The following LPAR1 variants were observed in gnomAD, a reference collection of about 807,000 sequenced individuals.
LPAR1 encodes lysophosphatidic acid receptor 1.
Under a neutral mutation model 23.8 loss-of-function variants are expected in LPAR1, and 5 were observed. The observed-to-expected ratio is 0.21, with a 90% CI of 0.11 to 0.44. The LOEUF is 0.44. LPAR1 is among the 20% of genes least tolerant of loss of function. LPAR1 has a pLI of 0.99. For synonymous variants in LPAR1, 160 were observed against 164.7 expected (o/e 0.97, Z 0.22); for missense variants, 311 against 482.8 (o/e 0.64, Z 3.33).
chr9:111,038,571 C>G (rs2097944909), upstream of LPAR1: 2 of 450,210 alleles, frequency 4.4e-6, no homozygotes, highest in Admixed American at 4.7e-5. This position sits in a 1 kb window ranked among gnomAD's most constrained non-coding sequence, Gnocchi z 4.4. Context: ...TCCTTCTTTT[C>G]TGCTTGTTCC....
chr9:110,918,537 A>G (rs2093378952), intron 5 of LPAR1, among the ~76,000 whole-genome samples: 1 of 152,118 alleles, frequency 6.6e-6, no homozygotes, highest in African/African-American at 2.4e-5. Flanking sequence ...GTGTTCAGGA[A>G]GTAAGCGGTC....
rs73655702 is a variant in LPAR1, at chr9:110,938,227, A to G, written c.793+3194T>C. ...AAGACAAATACTAAAAACCAAATGT[A>G]CACAAACTAAAGTAAAATAACCAGA... On this transcript the variant is annotated intron_variant, in intron 5 of 5. Coordinates refer to ENST00000683809, the MANE Select transcript of LPAR1 (RefSeq NM_001351411.2). Among the ~76,000 whole-genome samples, 975 of 152,350 alleles carry G rather than the reference A, an allele frequency of 6.4e-3. 13 individuals are homozygous for G. Among genetic ancestry groups the G allele is most frequent in the African/African-American group, 0.022 (906 of 41,584 alleles).
At chr9:110,923,912 A>G (rs1194726155) in intron 5 of LPAR1, among the ~76,000 whole-genome samples, 1 of 152,248 alleles carries the variant, frequency 6.6e-6, no homozygotes, top group Non-Finnish European at 1.5e-5. Context: ...CATGGAACAA[A>G]GTACTTCAAA....
At chr9:110,992,229 A>T (rs1422685941) in intron 2 of LPAR1, among the ~76,000 whole-genome samples, 1 of 152,208 alleles carries the variant, frequency 6.6e-6, no homozygotes, top group African/African-American at 2.4e-5. Flanking sequence ...CAGTTTACCA[A>T]AGATAATATA....
At chr9:111,027,224 C>T (rs2097708135) in intron 2 of LPAR1, among the ~76,000 whole-genome samples, 1 of 152,078 alleles carries the variant, frequency 6.6e-6, no homozygotes, top group East Asian at 1.9e-4. Flanking sequence ...CCCAAATCAA[C>T]AGGCCAGGTG....
chr9:110,978,661 C>A (rs2096608291), intron 2 of LPAR1, among the ~76,000 whole-genome samples: 1 of 152,150 alleles, frequency 6.6e-6, no homozygotes, highest in South Asian at 2.1e-4. Context: ...AGCTTGTCTT[C>A]TTTCTTATTA....
intron 2 of LPAR1, among the ~76,000 whole-genome samples, chr9:111,019,375 T>C (rs2097517829): frequency 6.6e-6 from 1 of 152,174 alleles, no homozygotes; most frequent in Non-Finnish European, 1.5e-5. Context: ...TTAAATAAGT[T>C]GAACAGTTTT....
At chr9:111,010,551 A>G (rs540187815) in intron 2 of LPAR1, among the ~76,000 whole-genome samples, 170 of 152,288 alleles carry the variant, frequency 1.1e-3, no homozygotes, top group Non-Finnish European at 4.3e-4. Context: ...ACCGCCTTTC[A>G]AGATAAGGGA....
At chr9:110,958,077 T>A (rs765170610) in intron 4 of LPAR1, among the ~76,000 whole-genome samples, 60 of 152,150 alleles carry the variant, frequency 3.9e-4, no homozygotes, top group Middle Eastern at 3.4e-3. Context: ...TGAAAGAAAC[T>A]GAAGAGGACA....
intron 5 of LPAR1, among the ~76,000 whole-genome samples, chr9:110,900,195 T>C (rs886723001): frequency 2.6e-5 from 4 of 152,216 alleles, no homozygotes; most frequent in African/African-American, 9.6e-5. Flanking sequence ...TTAGCAGGGC[T>C]GTAATTCTTT....
chr9:110,925,673 C>G (rs1432529771), intron 5 of LPAR1, among the ~76,000 whole-genome samples: 2 of 152,216 alleles, frequency 1.3e-5, no homozygotes, highest in African/African-American at 4.8e-5. Flanking sequence ...CAGCTCCAAC[C>G]ACTAATCACA....
Position 110,944,233 on chromosome 9 carries a change from C to T in LPAR1, c.46-2065G>A, listed in dbSNP as rs527942156. ...CCAAGGCTGCTGGTCCAGGGAATCA[C>T]TGTATCATAATTGCTTAATTATCTG... On this transcript the variant is annotated intron_variant, in intron 4 of 5. Coordinates refer to ENST00000683809, the MANE Select transcript of LPAR1 (RefSeq NM_001351411.2). Among the ~76,000 whole-genome samples the T allele has an allele frequency of 2.6e-4, 39 of 152,280 alleles. No homozygotes were observed. The South Asian group carries it at 8.1e-3, about 32-fold the overall frequency.
chr9:111,022,821 C>A (rs908452346), intron 2 of LPAR1, among the ~76,000 whole-genome samples: 1 of 151,886 alleles, frequency 6.6e-6, no homozygotes, highest in Non-Finnish European at 1.5e-5. Flanking sequence ...GAGGCCAAGG[C>A]GGGCGGATTA....
At chr9:110,926,005 CT>C (rs2093998747) in intron 5 of LPAR1, among the ~76,000 whole-genome samples, 1 of 152,184 alleles carries the variant, frequency 6.6e-6, no homozygotes, top group Non-Finnish European at 1.5e-5. Context: ...ACTGCAAGCT[CT>C]GCCTCCCGGG....
chr9:110,930,775 C>T (rs952485315), intron 5 of LPAR1, among the ~76,000 whole-genome samples: 3 of 151,604 alleles, frequency 2.0e-5, no homozygotes, highest in Admixed American at 1.3e-4. Context: ...ATCAGCCGGG[C>T]GTGGTGGCGC....
intron 5 of LPAR1, among the ~76,000 whole-genome samples, chr9:110,895,989 TC>T (rs1179594559): frequency 6.6e-6 from 1 of 152,152 alleles, no homozygotes. Context: ...AAAATCTTAA[TC>T]AGATCAGGCT....
At chr9:110,876,102 T>A (rs1200763558) in intron 5 of LPAR1, among the ~76,000 whole-genome samples, 1 of 152,232 alleles carries the variant, frequency 6.6e-6, no homozygotes, top group Non-Finnish European at 1.5e-5. Flanking sequence ...GCACGAATGA[T>A]AAGTGTCCTT....
At chr9:110,961,535 G>A (rs1028619061) in intron 4 of LPAR1, among the ~76,000 whole-genome samples, 5 of 146,650 alleles carry the variant, frequency 3.4e-5, no homozygotes, top group Admixed American at 7.0e-5. Context: ...CAGGAGAATC[G>A]CTTGAAACCG....
intron 5 of LPAR1, among the ~76,000 whole-genome samples, chr9:110,908,871 T>C (rs1021313280): frequency 6.6e-6 from 1 of 152,220 alleles, no homozygotes; most frequent in African/African-American, 2.4e-5. Context: ...CAGGGAAGTA[T>C]TGAAACCAAC....
Sources: gnomAD v4.1 joint callset for allele counts (sites outside exome capture counted in the v4.1 genomes callset) on GRCh38, gnomAD v4.1.1 for gene constraint, Gnocchi (gnomAD v3.1) non-coding constraint, MANE v1.5 for transcripts, NCBI Gene and HGNC (gene_info 2026-07-23, HGNC 2026-07-21) for gene names.